BACH2: variants seen among roughly 807,000 people sequenced by gnomAD.
BACH2 encodes the protein BACH transcriptional regulator 2, also known as transcription regulator protein BACH2.
Under a neutral mutation model 61.8 loss-of-function variants are expected in BACH2, and 5 were observed. The observed-to-expected ratio is 0.08, with a 90% CI of 0.04 to 0.17. BACH2 has a LOEUF of 0.17. BACH2 is among the 10% of genes least tolerant of loss of function. The pLI is 1.00. For missense variants in BACH2, 824 were observed against 1,091.1 expected, an observed-to-expected ratio of 0.76 and a Z score of 3.45; for synonymous variants, 446 against 440.1, an observed-to-expected ratio of 1.01 and a Z score of -0.17.
intron 4 of BACH2, among the ~76,000 whole-genome samples, chr6:90,108,903 C>T (rs542523631): frequency 8.4e-4 from 128 of 152,300 alleles, no homozygotes; most frequent in African/African-American, 3.0e-3. Flanking sequence ...GAATCAATCA[C>T]TATTCTTGAG....
At chr6:90,286,869 T>G (rs1388493005) in intron 1 of BACH2, among the ~76,000 whole-genome samples, 1 of 151,680 alleles carries the variant, frequency 6.6e-6, no homozygotes, top group African/African-American at 2.4e-5. Context: ...GAGAAACAAG[T>G]ACAAAGAGGG....
rs139208629 is a variant in BACH2 at position 90,223,666 on chromosome 6, G to C, written c.-274-16985C>G. Among the ~76,000 whole-genome samples, 175 of 151,996 alleles carry C rather than the reference G, an allele frequency of 1.2e-3. 2 individuals are homozygous for C. The highest frequency in any genetic ancestry group is 3.9e-3 in the African/African-American group (163 of 41,426). On this transcript the variant is annotated intron_variant, in intron 3 of 8. Coordinates refer to ENST00000257749, the MANE Select transcript of BACH2 (RefSeq NM_021813.4). ...TTTTTGTTTTTTTAAGTAGAGATAGGGTTTTGCCATGTTGCCCAGGATGGT... is the reference window on the plus strand; with the variant it reads ...TTTTTGTTTTTTTAAGTAGAGATAGCGTTTTGCCATGTTGCCCAGGATGGT...
intron 6 of BACH2, among the ~76,000 whole-genome samples, chr6:89,996,498 C>G (rs16882337): frequency 0.071 from 10,863 of 152,204 alleles, 569 homozygotes; most frequent in East Asian, 0.19. Flanking sequence ...AGTAAGGCCC[C>G]ATGTAGTGAG....
chr6:90,045,409 A>G (rs1779730652), intron 5 of BACH2, among the ~76,000 whole-genome samples: 2 of 152,212 alleles, frequency 1.3e-5, no homozygotes, highest in Non-Finnish European at 2.9e-5. Flanking sequence ...TCCTTCAGGA[A>G]AGAAACGACA....
At chr6:90,201,607 T>G (rs997367146) in intron 4 of BACH2, among the ~76,000 whole-genome samples, 2 of 152,224 alleles carry the variant, frequency 1.3e-5, no homozygotes, top group Non-Finnish European at 2.9e-5. Flanking sequence ...CCCCAGCTTG[T>G]CTTTTATCTT....
rs913165030 is a variant in BACH2 at position 89,932,309 on chromosome 6, T to C, written c.*99A>G. 3.4e-6 allele frequency: 5 copies of C among 1,463,082 alleles called. No homozygotes were observed. Among genetic ancestry groups the C allele is most frequent in the Middle Eastern group, 2.2e-4 (1 of 4,486 alleles). 90.6% of individuals were successfully genotyped at this position (1,463,082 alleles called of 1,614,324 possible). ...ACCGCTGTAGTGTGCACCAAATGTG[T>C]TCTCGGTTTCTTCGGGACAGCAGAT... is the stretch of plus-strand genomic sequence containing the variant. On this transcript the variant is annotated 3_prime_UTR_variant, in exon 9 of 9. Coordinates refer to ENST00000257749, the MANE Select transcript of BACH2 (RefSeq NM_021813.4).
At chr6:89,984,145 C>A (rs1382791425) in intron 6 of BACH2, among the ~76,000 whole-genome samples, 1 of 152,112 alleles carries the variant, frequency 6.6e-6, no homozygotes, top group Non-Finnish European at 1.5e-5. Flanking sequence ...CCATAAACTA[C>A]AATTTAGTAA....
intron 4 of BACH2, among the ~76,000 whole-genome samples, chr6:90,125,162 A>G (rs756315479): frequency 2.0e-5 from 3 of 152,216 alleles, no homozygotes; most frequent in Admixed American, 2.0e-4. Context: ...CACGGAGAAG[A>G]AAAAAAAGGA....
intron 4 of BACH2, among the ~76,000 whole-genome samples, chr6:90,184,481 C>T (rs1279191493): frequency 1.3e-5 from 2 of 152,232 alleles, no homozygotes; most frequent in African/African-American, 4.8e-5. Context: ...CCTCCCTCCA[C>T]CCCTTCACTG....
At chr6:90,004,562 AAT>A (rs1554226947) in intron 6 of BACH2, among the ~76,000 whole-genome samples, 1 of 152,202 alleles carries the variant, frequency 6.6e-6, no homozygotes, top group Non-Finnish European at 1.5e-5. Flanking sequence ...GCCACGTAAG[AAT>A]AGTGTTGATG....
In BACH2 at chr6:89,936,712, AAAC is replaced by A. The variant is rs144787301; in HGVS notation, c.2043+1429_2043+1431del. On this transcript the variant is annotated intron_variant, in intron 8 of 8. Transcript: ENST00000257749. Reference sequence around the variant, plus strand: ...GTGGTGAGTGTCAAAGAAACCCACAAAACAACAACAACAACAATAACAAAAAAC... The same window carrying A: ...GTGGTGAGTGTCAAAGAAACCCACAAAACAACAACAACAATAACAAAAAAC... Among the ~76,000 whole-genome samples the A allele has an allele frequency of 2.2e-4, 34 of 152,164 alleles. No homozygotes were observed. The South Asian group carries it at 4.6e-3, about 20-fold the overall frequency.
intron 6 of BACH2, among the ~76,000 whole-genome samples, chr6:89,965,774 T>C (rs781499978): frequency 6.6e-6 from 1 of 152,248 alleles, no homozygotes; most frequent in African/African-American, 2.4e-5. Context: ...ACGTCTCTTA[T>C]GGAAAATATT....
intron 7 of BACH2, among the ~76,000 whole-genome samples, chr6:89,949,168 C>G (rs1375779414): frequency 6.6e-6 from 1 of 152,192 alleles, no homozygotes; most frequent in East Asian, 1.9e-4. Flanking sequence ...CTTACAGAGG[C>G]TGGTAACATC....
At chr6:90,274,971 T>C (rs139775686) in intron 1 of BACH2, among the ~76,000 whole-genome samples, 1 of 152,332 alleles carries the variant, frequency 6.6e-6, no homozygotes, top group East Asian at 1.9e-4. Flanking sequence ...AATGGAAACA[T>C]GTCACTGGGT....
chr6:90,054,580 C>T (rs184717417), intron 5 of BACH2, among the ~76,000 whole-genome samples: 1,907 of 152,350 alleles, frequency 0.013, 34 homozygotes, highest in African/African-American at 0.043. Context: ...CAGCAGTAAC[C>T]TCTGCAGACT....
At chr6:90,211,235 C>T (rs1769337594) in intron 3 of BACH2, among the ~76,000 whole-genome samples, 1 of 148,200 alleles carries the variant, frequency 6.7e-6, no homozygotes, top group Non-Finnish European at 1.5e-5. Flanking sequence ...CAAAGGGCGG[C>T]AAGCAAACAA....
intron 5 of BACH2, among the ~76,000 whole-genome samples, chr6:90,078,697 A>G (rs1305088534): frequency 6.6e-6 from 1 of 152,018 alleles, no homozygotes; most frequent in South Asian, 2.1e-4. Flanking sequence ...AATCCCCACA[A>G]CCACCCTCTC....
chr6:89,992,374 C>G (rs941733570), intron 6 of BACH2, among the ~76,000 whole-genome samples: 1 of 152,248 alleles, frequency 6.6e-6, no homozygotes, highest in African/African-American at 2.4e-5. Flanking sequence ...GGCGATGTGG[C>G]TCATGCCTAT....
chr6:89,996,402 T>A (rs1469805688), intron 6 of BACH2, among the ~76,000 whole-genome samples: 1 of 152,246 alleles, frequency 6.6e-6, no homozygotes, highest in African/African-American at 2.4e-5. Flanking sequence ...TTTTATTATG[T>A]CACTTCTTGG....
Sources: allele counts gnomAD v4.1 joint callset (sites outside exome capture counted in the v4.1 genomes callset), GRCh38; gene constraint gnomAD v4.1.1; transcripts MANE v1.5; gene names NCBI Gene and HGNC (gene_info 2026-07-23, HGNC 2026-07-21).